The following ESR1 variants were observed in gnomAD, a reference collection of about 807,000 sequenced individuals.
ESR1 encodes the protein estrogen receptor 1, also known as estrogen receptor.
In ESR1, 12 loss-of-function variants were observed where a neutral mutation model predicts 52.7. The observed-to-expected ratio is 0.23, with a 90% CI of 0.15 to 0.37. The LOEUF (loss-of-function observed/expected upper bound fraction) is 0.37. Among genes scored for constraint, ESR1 ranks in the 10% least tolerant of loss-of-function variants. The pLI is 1.00. For missense variants in ESR1, 584 were observed against 779.7 expected, an observed-to-expected ratio of 0.75 and a Z score of 2.99; for synonymous variants, 305 against 316.8, an observed-to-expected ratio of 0.96 and a Z score of 0.39.
intron 2 of ESR1, among the ~76,000 whole-genome samples, chr6:151,707,992 C>G: frequency 6.6e-6 from 1 of 151,872 alleles, no homozygotes; most frequent in East Asian, 1.9e-4. Context: ...GTCTTTTTTC[C>G]TCCCTTTTTC....
At chr6:151,903,165 T>C (rs1796941588) in intron 3 of ESR1, among the ~76,000 whole-genome samples, 1 of 152,226 alleles carries the variant, frequency 6.6e-6, no homozygotes. Flanking sequence ...TTTTTATTAG[T>C]AGTGACTTTC....
At chr6:151,743,904 T>C (rs1422024853) in intron 2 of ESR1, among the ~76,000 whole-genome samples, 1 of 152,154 alleles carries the variant, frequency 6.6e-6, no homozygotes, top group Non-Finnish European at 1.5e-5. Flanking sequence ...TCCCTACCTT[T>C]AGTCACTTCC....
intron 1 of ESR1, among the ~76,000 whole-genome samples, chr6:151,671,632 G>C (rs557305751): frequency 6.6e-6 from 1 of 152,288 alleles, no homozygotes; most frequent in East Asian, 1.9e-4. Context: ...GGTGACTGTA[G>C]TTAATAATGA....
At chr6:152,111,318 C>T (rs1357556240) in intron 6 of ESR1, among the ~76,000 whole-genome samples, 3 of 152,214 alleles carry the variant, frequency 2.0e-5, no homozygotes, top group Non-Finnish European at 4.4e-5. Context: ...GTGGGCTGAC[C>T]TCAGTGGCCA....
At chr6:151,706,192 C>T (rs1780172637) in intron 2 of ESR1, among the ~76,000 whole-genome samples, 1 of 152,218 alleles carries the variant, frequency 6.6e-6, no homozygotes, top group Admixed American at 6.5e-5. Context: ...GACATTCAGC[C>T]ATTGCTTTGG....
chr6:151,999,112 G>A (rs1458665386), intron 4 of ESR1, among the ~76,000 whole-genome samples: 1 of 152,052 alleles, frequency 6.6e-6, no homozygotes, highest in Admixed American at 6.6e-5. Flanking sequence ...CATACCTCAG[G>A]CAAATCTTTA....
chr6:152,033,105 T>G (rs1267948790), intron 5 of ESR1, among the ~76,000 whole-genome samples: 1 of 152,176 alleles, frequency 6.6e-6, no homozygotes, highest in Non-Finnish European at 1.5e-5. Context: ...AAGCTGAAAC[T>G]GGATCCCTTC....
At chr6:151,708,011 T>C (rs113481987) in intron 2 of ESR1, among the ~76,000 whole-genome samples, 3 of 152,164 alleles carry the variant, frequency 2.0e-5, no homozygotes, top group Admixed American at 1.3e-4. Context: ...TCCTTTCTCT[T>C]TTCTTGTTCT....
chr6:151,725,165 T>C (rs916364480), intron 2 of ESR1, among the ~76,000 whole-genome samples: 1 of 152,204 alleles, frequency 6.6e-6, no homozygotes, highest in Admixed American at 6.5e-5. Flanking sequence ...ATTAAGGAAT[T>C]GCAGAGTATT....
chr6:151,796,595 A>G (rs931903647), intron 2 of ESR1, among the ~76,000 whole-genome samples: 1 of 152,236 alleles, frequency 6.6e-6, no homozygotes, highest in Non-Finnish European at 1.5e-5. Context: ...ATCAGGATTT[A>G]TTAGTAATTG....
chr6:152,038,116 C>A (rs1045417113), intron 5 of ESR1, among the ~76,000 whole-genome samples: 1 of 152,112 alleles, frequency 6.6e-6, no homozygotes, highest in Non-Finnish European at 1.5e-5. Flanking sequence ...GAGCCCCTGG[C>A]AAACCACTAG....
At chr6:151,870,983 C>T (rs1034606471) in intron 2 of ESR1, among the ~76,000 whole-genome samples, 5 of 151,966 alleles carry the variant, frequency 3.3e-5, no homozygotes, top group Admixed American at 2.0e-4. Context: ...TCCTGAGTAA[C>T]TGGGATGACA....
rs1203435462 is a variant in ESR1, at chr6:151,899,053, C to T, written c.760+18282C>T. Among the ~76,000 whole-genome samples, 1,142 of 145,014 alleles carry T rather than the reference C, an allele frequency of 7.9e-3. 27 individuals carry two copies. The highest frequency in any genetic ancestry group is 0.043 in the East Asian group (195 of 4,510). ...GCTGAACCCCCACCTCCCTCCCGGA[C>T]GGGGCGGCTGGCCGGGTGGGGGGCT... is the stretch of plus-strand genomic sequence containing the variant. On this transcript the variant is annotated intron_variant, in intron 3 of 7. Coordinates refer to ENST00000206249, the MANE Select transcript of ESR1 (RefSeq NM_000125.4).
In ESR1 at chr6:151,821,974, A is replaced by G. The variant is rs577516567; in HGVS notation, c.452+13610A>G. On this transcript the variant is annotated intron_variant, in intron 1 of 7. Transcript: ENST00000206249. The stretch of plus-strand genomic sequence containing the variant: ...CCCGTTACATGTGTTAAAGAAAGGC[A>G]TGGCTGGTGGGTTGTAACTGTACTA... Among the ~76,000 whole-genome samples the G allele has an allele frequency of 2.0e-5, 3 of 152,336 alleles. No individual in the cohort carries two copies. The South Asian group carries it at 6.2e-4, about 32-fold the overall frequency.
At chr6:151,821,123 C>G (rs145656733) in intron 1 of ESR1, among the ~76,000 whole-genome samples, 1 of 152,028 alleles carries the variant, frequency 6.6e-6, no homozygotes, top group Admixed American at 6.6e-5. Flanking sequence ...AGAACCAGGG[C>G]TAGGTCCTCT....
At chr6:152,112,568 G>A (rs947958538) in intron 6 of ESR1, among the ~76,000 whole-genome samples, 1 of 152,176 alleles carries the variant, frequency 6.6e-6, no homozygotes, top group Admixed American at 6.5e-5. Flanking sequence ...AATAAGCAAG[G>A]TTTATCACCA....
upstream of ESR1, chr6:151,805,223 G>A (rs112720425): frequency 1.2e-4 from 18 of 152,264 alleles, no homozygotes; most frequent in East Asian, 3.3e-3. Flanking sequence ...CAATGCCTCT[G>A]TTCAGAGACT....
intron 2 of ESR1, among the ~76,000 whole-genome samples, chr6:151,737,224 A>C (rs546647938): frequency 2.6e-5 from 4 of 152,266 alleles, no homozygotes; most frequent in African/African-American, 9.6e-5. Flanking sequence ...GCAAATCTGC[A>C]ACAAATGTGC....
In ESR1 at chr6:152,091,023, C is replaced by T. The variant is rs547826175; in HGVS notation, c.1370-3362C>T. Among the ~76,000 whole-genome samples the T allele has an allele frequency of 5.9e-5, 9 of 152,286 alleles. No homozygotes were observed. The South Asian group carries it at 1.7e-3, about 28-fold the overall frequency. On this transcript the variant is annotated intron_variant, in intron 6 of 7. Transcript: ENST00000206249. ...AGAGTTGCAAAAGCCTACCTTGTTG[C>T]AATAATATTTTTGAGGGTCCACACT...
Sources: gnomAD v4.1 joint callset for allele counts (sites outside exome capture counted in the v4.1 genomes callset) on GRCh38, gnomAD v4.1.1 for gene constraint, MANE v1.5 for transcripts, NCBI Gene and HGNC (gene_info 2026-07-23, HGNC 2026-07-21) for gene names.